TBPL1: variants seen among roughly 807,000 people sequenced by gnomAD.
TBPL1 encodes TATA-box binding protein like 1.
TBPL1 carries 4 observed loss-of-function variants against 22.1 expected under a neutral mutation model. The ratio of observed to expected loss-of-function variants is 0.18; its 90% confidence interval spans 0.09 to 0.41. The LOEUF (loss-of-function observed/expected upper bound fraction) is 0.41, where lower values mean the gene tolerates loss of function less well. Among genes scored for constraint, TBPL1 ranks in the 10% least tolerant of loss-of-function variants. The pLI is 1.00. For synonymous variants in TBPL1, 64 were observed against 71.0 expected (o/e 0.90, Z 0.50); for missense variants, 115 against 222.3 (o/e 0.52, Z 3.07).
At chr6:133,954,910 A>G (rs1230886813) in intron 1 of TBPL1, among the ~76,000 whole-genome samples, 1 of 152,294 alleles carries the variant, frequency 6.6e-6, no homozygotes, top group East Asian at 1.9e-4. Context: ...GCTTCAACTC[A>G]GGCGTTTTCA....
At position 133,988,765 on chromosome 6, in the gene TBPL1, G is replaced by A. The variant is rs990350122; in HGVS notation, c.*1725G>A. On this transcript the variant is annotated 3_prime_UTR_variant, in exon 7 of 7. Coordinates refer to ENST00000237264, the MANE Select transcript of TBPL1 (RefSeq NM_004865.4). ...AAAGTGTTTATTTCCTTTATTTTAAGATTCAGTAGGATAGCCAAATTCATA... is the reference window on the plus strand; with the variant it reads ...AAAGTGTTTATTTCCTTTATTTTAAAATTCAGTAGGATAGCCAAATTCATA... 1 of 151,634 alleles carries A rather than the reference G, an allele frequency of 6.6e-6. No individual in the cohort carries two copies. Among genetic ancestry groups the A allele is most frequent in the Non-Finnish European group, 1.5e-5 (1 of 67,956 alleles). The allele number at this position is 151,634 out of a possible 1,614,324, so 9.4% of individuals were successfully genotyped here.
intron 1 of TBPL1, among the ~76,000 whole-genome samples, chr6:133,958,036 C>CT (rs962526109): frequency 6.6e-6 from 1 of 152,114 alleles, no homozygotes; most frequent in African/African-American, 2.4e-5. Flanking sequence ...GGGGGAAGTA[C>CT]TTTTTTTAAG....
At chr6:133,958,683 G>T (rs1775967157) in intron 1 of TBPL1, among the ~76,000 whole-genome samples, 1 of 152,178 alleles carries the variant, frequency 6.6e-6, no homozygotes, top group African/African-American at 2.4e-5. Flanking sequence ...AAAGTGAATT[G>T]CAGACTGTTC....
chr6:133,976,896 A>T (rs1421482241), intron 1 of TBPL1, among the ~76,000 whole-genome samples: 1 of 150,852 alleles, frequency 6.6e-6, no homozygotes, highest in Non-Finnish European at 1.5e-5. Context: ...TGAATCCAGG[A>T]GGCGGAGGTT....
At chr6:133,976,710 C>T (rs1037068028) in intron 1 of TBPL1, among the ~76,000 whole-genome samples, 11 of 152,102 alleles carry the variant, frequency 7.2e-5, no homozygotes, top group African/African-American at 2.4e-4. Context: ...TATTTGTCGG[C>T]CTGGCGCGGT....
intron 1 of TBPL1, among the ~76,000 whole-genome samples, chr6:133,973,044 G>A (rs530948094): frequency 2.6e-5 from 4 of 152,258 alleles, no homozygotes; most frequent in South Asian, 2.1e-4. Flanking sequence ...AAAGAACATC[G>A]TTCTAAAAGG....
At chr6:133,979,808 G>A (rs1376181090) in intron 1 of TBPL1, among the ~76,000 whole-genome samples, 7 of 151,842 alleles carry the variant, frequency 4.6e-5, no homozygotes, top group South Asian at 2.1e-4. Context: ...CATCATGCCC[G>A]GCTAATTTTT....
intron 2 of TBPL1, 99 bp from the exon 3 acceptor site, chr6:133,982,469 G>T: frequency 1.0e-6 from 1 of 999,750 alleles, no homozygotes; most frequent in Non-Finnish European, 1.5e-6. Context: ...TCTTGGATAA[G>T]CTTGGAGAGT....
intron 1 of TBPL1, 98 bp from the exon 2 acceptor site, chr6:133,979,984 A>G: frequency 3.1e-6 from 3 of 959,836 alleles, no homozygotes; most frequent in Non-Finnish European, 4.3e-6. Flanking sequence ...TTGAAAAATA[A>G]ATAATATAGA....
intron 1 of TBPL1, among the ~76,000 whole-genome samples, chr6:133,958,796 AT>A (rs1341312976): frequency 2.6e-5 from 4 of 152,088 alleles, no homozygotes; most frequent in Non-Finnish European, 5.9e-5. Context: ...TTAAAAGCAT[AT>A]TTTGCTTTAA....
In TBPL1 at chr6:133,972,678, GTGTTTGTT is replaced by G. The variant is rs66508723; in HGVS notation, c.-44-7382_-44-7375del. On this transcript the variant is annotated intron_variant, in intron 1 of 6. Coordinates refer to ENST00000237264, the MANE Select transcript of TBPL1 (RefSeq NM_004865.4). ...CCTTGCCTAACCTATTATGATCTTG[GTGTTTGTT>G]TGTTTGTTTGTTTGTTTGTTTTTTT... Among the ~76,000 whole-genome samples, 77 of 151,018 alleles carry G rather than the reference GTGTTTGTT, an allele frequency of 5.1e-4. 1 individual carries two copies. In the Middle Eastern group the frequency reaches 0.014, roughly 27 times the overall value.
Position 133,987,121 on chromosome 6 carries a change from C to T in TBPL1, c.*81C>T, listed in dbSNP as rs1203798294. 4.6e-6 allele frequency: 4 copies of T among 873,802 alleles called. No individual in the cohort carries two copies. The highest frequency in any genetic ancestry group is 7.1e-6 in the Non-Finnish European group (4 of 567,068). 54.1% of individuals were successfully genotyped at this position (873,802 alleles called of 1,614,324 possible). ...ATTGGACTCAAAAGGAAAACTGGACCAACAATAATTGAGGAAATAGACTCT... is the reference window on the plus strand; with the variant it reads ...ATTGGACTCAAAAGGAAAACTGGACTAACAATAATTGAGGAAATAGACTCT... On this transcript the variant is annotated 3_prime_UTR_variant, in exon 7 of 7. Coordinates refer to ENST00000237264, the MANE Select transcript of TBPL1 (RefSeq NM_004865.4).
Position 133,965,069 on chromosome 6 carries a change from T to C in TBPL1, c.-45+11644T>C, listed in dbSNP as rs557110104. Among the ~76,000 whole-genome samples the C allele has an allele frequency of 1.2e-4, 18 of 152,338 alleles. No individual in the cohort carries two copies. In the South Asian group the frequency reaches 3.1e-3, roughly 26 times the overall value. On this transcript the variant is annotated intron_variant, in intron 1 of 6. Coordinates refer to ENST00000237264, the MANE Select transcript of TBPL1 (RefSeq NM_004865.4). Reference sequence around the variant, plus strand: ...GCATGCCAATTCTGACACCAACTTATGAGAAGATTTATTCAGTCTTTTAGC... The same window carrying C: ...GCATGCCAATTCTGACACCAACTTACGAGAAGATTTATTCAGTCTTTTAGC...
intron 1 of TBPL1, among the ~76,000 whole-genome samples, chr6:133,966,011 A>T (rs1017496133): frequency 3.3e-5 from 5 of 152,218 alleles, no homozygotes; most frequent in Non-Finnish European, 7.3e-5. Context: ...TATGGCTAAT[A>T]AGTGGTAGAG....
rs1245048359 is a variant in TBPL1, at chr6:133,989,944, A to G, written c.*2904A>G. The G allele has an allele frequency of 1.3e-5, 2 of 152,236 alleles. No homozygotes were observed. Among genetic ancestry groups the G allele is most frequent in the East Asian group, 3.8e-4 (2 of 5,198 alleles). 9.4% of individuals were successfully genotyped at this position (152,236 alleles called of 1,614,324 possible). A position where few individuals can be genotyped will look rare whatever the true frequency, so the allele number is the denominator to read the frequency against. On this transcript the variant is annotated 3_prime_UTR_variant, in exon 7 of 7. Coordinates refer to ENST00000237264, the MANE Select transcript of TBPL1 (RefSeq NM_004865.4). ...TTTGTGTGTCTTCCATCACTTAAAT[A>G]TTAGTAATTTAATATGTTATTTGGT...
intron 1 of TBPL1, among the ~76,000 whole-genome samples, chr6:133,973,065 C>G (rs1158300702): frequency 1.3e-5 from 2 of 152,126 alleles, no homozygotes; most frequent in African/African-American, 4.8e-5. Context: ...CAAATGTTAG[C>G]TTTTCTTCAT....
intron 1 of TBPL1, among the ~76,000 whole-genome samples, chr6:133,964,019 C>T (rs967775304): frequency 7.2e-5 from 11 of 152,012 alleles, no homozygotes; most frequent in South Asian, 4.2e-4. Flanking sequence ...CCAGCCTGGG[C>T]GACAGAGCAA....
chr6:133,962,177 T>G (rs1776036517), intron 1 of TBPL1, among the ~76,000 whole-genome samples: 1 of 152,088 alleles, frequency 6.6e-6, no homozygotes, highest in Non-Finnish European at 1.5e-5. Context: ...ATAAGGAAGA[T>G]CGGGGGTGGG....
chr6:133,982,355 C>G (rs948442130), intron 2 of TBPL1, among the ~76,000 whole-genome samples: 1 of 151,914 alleles, frequency 6.6e-6, no homozygotes, highest in African/African-American at 2.4e-5. Flanking sequence ...TTCTATACAC[C>G]TTGTATTTTT....
Sources: allele counts gnomAD v4.1 joint callset (sites outside exome capture counted in the v4.1 genomes callset), GRCh38; gene constraint gnomAD v4.1.1; transcripts MANE v1.5; gene names NCBI Gene and HGNC (gene_info 2026-07-23, HGNC 2026-07-21).